The following KDM2B variants were observed in gnomAD, a reference collection of about 807,000 sequenced individuals.
KDM2B encodes the protein lysine demethylase 2B, also known as lysine-specific demethylase 2B.
KDM2B carries 26 observed loss-of-function variants against 150.0 expected under a neutral mutation model. The ratio of observed to expected loss-of-function variants is 0.17; its 90% CI spans 0.13 to 0.24. The LOEUF is 0.24. Among genes scored for constraint, KDM2B ranks in the 10% least tolerant of loss-of-function variants. The pLI is 1.00. For missense variants in KDM2B, 1,265 were observed against 1,816.9 expected (o/e 0.70, Z 5.52); for synonymous variants, 734 against 729.5 (o/e 1.01, Z -0.10).
chr12:121,561,109 C>T (rs1255017079), intron 4 of KDM2B, among the ~76,000 whole-genome samples: 8 of 151,360 alleles, frequency 5.3e-5, no homozygotes, highest in African/African-American at 1.9e-4. Context: ...CCAACAGGTT[C>T]CAGCTGCGGA....
At chr12:121,519,084 C>T (rs1886470665) in intron 9 of KDM2B, among the ~76,000 whole-genome samples, 1 of 152,310 alleles carries the variant, frequency 6.6e-6, no homozygotes, top group South Asian at 2.1e-4. Flanking sequence ...ACCCAGGTCT[C>T]TCCAGATCTA....
intron 4 of KDM2B, 47 bp downstream of exon 4, chr12:121,574,500 T>C (rs374640943): frequency 5.6e-6 from 9 of 1,593,960 alleles, no homozygotes; most frequent in Non-Finnish European, 7.7e-6. Context: ...CTCTTTCCCC[T>C]TCCCTACTTC....
chr12:121,460,683 C>G (rs1363538928), intron 12 of KDM2B, among the ~76,000 whole-genome samples: 2 of 152,196 alleles, frequency 1.3e-5, no homozygotes, highest in South Asian at 4.1e-4. Flanking sequence ...GCTAGGATTA[C>G]AGGTGTGAGC....
chr12:121,541,388 CCT>C (rs1361392469), intron 6 of KDM2B, among the ~76,000 whole-genome samples: 3 of 127,186 alleles, frequency 2.4e-5, no homozygotes, highest in Non-Finnish European at 4.7e-5. Flanking sequence ...AGAGACAGCC[CCT>C]GTCTCAAAAA....
intron 12 of KDM2B, among the ~76,000 whole-genome samples, chr12:121,488,519 G>A (rs144060422): frequency 6.6e-6 from 1 of 152,322 alleles, no homozygotes; most frequent in East Asian, 1.9e-4. Context: ...CTAGTCAGTG[G>A]TGAAGGAAGG....
At chr12:121,568,765 C>T (rs1447787195) in intron 4 of KDM2B, among the ~76,000 whole-genome samples, 1 of 150,530 alleles carries the variant, frequency 6.6e-6, no homozygotes, top group Non-Finnish European at 1.5e-5. Context: ...AATCGAGCTA[C>T]GTGGTTACCA....
chr12:121,561,367 C>T (rs1004032352), intron 4 of KDM2B, among the ~76,000 whole-genome samples: 3 of 152,176 alleles, frequency 2.0e-5, no homozygotes, highest in African/African-American at 7.2e-5. Flanking sequence ...TTTTGTTCCT[C>T]ATCCGTGTCA....
rs782657779 is a variant in KDM2B at position 121,541,706 on chromosome 12, T to C, written c.684-7116A>G. Among the ~76,000 whole-genome samples the C allele has an allele frequency of 1.2e-3, 180 of 152,230 alleles. 1 individual carries two copies. In the Middle Eastern group the frequency reaches 0.024, roughly 20 times the overall value. ...AGAGAACCCACTCAACTATCAATTATCTGAGGGCCAAACCTATGCTTTATG... is the reference window on the plus strand; with the variant it reads ...AGAGAACCCACTCAACTATCAATTACCTGAGGGCCAAACCTATGCTTTATG... On this transcript the variant is annotated intron_variant, in intron 6 of 22. Coordinates refer to ENST00000377071, the MANE Select transcript of KDM2B (RefSeq NM_032590.5).
At chr12:121,434,582 C>A (rs1019140887) in intron 22 of KDM2B, among the ~76,000 whole-genome samples, 1 of 151,228 alleles carries the variant, frequency 6.6e-6, no homozygotes, top group Non-Finnish European at 1.5e-5. Flanking sequence ...GAAAAGGGTG[C>A]TGCCAACAGC....
At position 121,430,364 on chromosome 12, in the gene KDM2B, T is replaced by C. The variant is rs1168508433; in HGVS notation, c.3935A>G (p.Glu1312Gly). Residue 1312 changes from glutamate (E) to glycine (G), a missense_variant, in exon 23 of 23, where the codon GAG becomes GGG. Coordinates refer to ENST00000377071, the MANE Select transcript of KDM2B (RefSeq NM_032590.5). This position sits in a 1 kb window ranked among gnomAD's most constrained non-coding sequence, Gnocchi z 4.4. ...CACAGACATCTCGGCTATGAACTGC[T>C]CACAGCCTTCCTTGGTGACTTGCTT... ...YCKQVTKEGCEQFIAEMSVSV... is the reference protein window; with the variant it reads ...YCKQVTKEGCGQFIAEMSVSV... 6.2e-7 allele frequency: 1 copy of C among 1,614,052 alleles called. No individual in the cohort carries two copies. The highest frequency in any genetic ancestry group is 8.5e-7 in the Non-Finnish European group (1 of 1,180,030).
the KDM2B span, chr12:121,420,000 G>A: frequency 2.7e-5 from 11 of 405,222 alleles, no homozygotes; most frequent in East Asian, 4.8e-5. Flanking sequence ...TAATACTCTG[G>A]TTAGATTTTA....
intron 11 of KDM2B, among the ~76,000 whole-genome samples, chr12:121,498,398 C>T (rs1884193637): frequency 1.3e-5 from 2 of 152,308 alleles, no homozygotes; most frequent in South Asian, 4.1e-4. Context: ...AGGGGCAAGG[C>T]TACCCAACTC....
chr12:121,535,475 C>T (rs1888017381), intron 6 of KDM2B, among the ~76,000 whole-genome samples: 1 of 152,130 alleles, frequency 6.6e-6, no homozygotes, highest in African/African-American at 2.4e-5. Context: ...TGAAAATGTT[C>T]TAAAATTAAC....
intron 4 of KDM2B, among the ~76,000 whole-genome samples, chr12:121,573,347 A>C (rs1009284200): frequency 2.7e-5 from 4 of 150,422 alleles, no homozygotes; most frequent in African/African-American, 9.8e-5. Flanking sequence ...CAGTGGCATG[A>C]TCTCAGCTCG....
intron 13 of KDM2B, among the ~76,000 whole-genome samples, chr12:121,445,680 G>A (rs1460843037): frequency 6.6e-6 from 1 of 152,266 alleles, no homozygotes; most frequent in African/African-American, 2.4e-5. Flanking sequence ...TTACATTTTA[G>A]TGGAGGGAGG....
Position 121,443,744 on chromosome 12 carries a change from C to G in KDM2B, c.2501G>C (p.Arg834Thr). The G allele has an allele frequency of 6.2e-7, 1 of 1,611,150 alleles. No individual in the cohort carries two copies. The highest frequency in any genetic ancestry group is 8.5e-7 in the Non-Finnish European group (1 of 1,179,514). Residue 834 changes from arginine to threonine, a missense_variant, in exon 17 of 23, where the codon AGG (arginine) becomes ACG (threonine). By Grantham distance (71) the Arg-to-Thr change is moderately conservative. Around this residue, in one of 11 missense-constraint regions of KDM2B, gnomAD observed 418 missense variants for 402.4 expected, o/e 1.04. Coordinates refer to ENST00000377071, the MANE Select transcript of KDM2B (RefSeq NM_032590.5). ...SPGSSSHLSPRPPLGSSLSPW... is the reference protein window; with the variant it reads ...SPGSSSHLSPTPPLGSSLSPW... ...GCTGAGGCTGCTGCCTAGAGGGGGC[C>G]TCGGCGAGAGGTGAGAGGAGGAACC...
intron 12 of KDM2B, among the ~76,000 whole-genome samples, chr12:121,461,156 C>G (rs1555293688): frequency 6.6e-6 from 1 of 152,138 alleles, no homozygotes; most frequent in African/African-American, 2.4e-5. Flanking sequence ...AGAGGGAGAA[C>G]AGGACCCTGC....
chr12:121,559,359 A>G (rs1438210634), intron 4 of KDM2B, among the ~76,000 whole-genome samples: 1 of 151,766 alleles, frequency 6.6e-6, no homozygotes, highest in African/African-American at 2.4e-5. Flanking sequence ...TGGGAGGGGA[A>G]GTGGTGGGAG....
intron 12 of KDM2B, among the ~76,000 whole-genome samples, chr12:121,477,358 C>T (rs1881498486): frequency 6.6e-6 from 1 of 151,788 alleles, no homozygotes. Context: ...GGCCTGGCCC[C>T]AGTTATTTTT....
Sources: gnomAD v4.1 joint callset for allele counts (sites outside exome capture counted in the v4.1 genomes callset) on GRCh38, gnomAD v4.1.1 for gene constraint, gnomAD v4.1.1 regional missense constraint, Gnocchi (gnomAD v3.1) non-coding constraint, MANE v1.5 for transcripts, NCBI Gene and HGNC (gene_info 2026-07-23, HGNC 2026-07-21) for gene names.